TAFA2: variants seen among roughly 807,000 people sequenced by gnomAD.
TAFA2 encodes the protein chemokine-like protein TAFA-2.
A neutral mutation model predicts 18.8 loss-of-function variants in TAFA2; 7 were observed. The ratio of observed to expected loss-of-function variants is 0.37; its 90% CI spans 0.21 to 0.70. The LOEUF is 0.70. Ranked by LOEUF, TAFA2 falls within the 30% of genes least tolerant of loss-of-function variation. TAFA2 has a pLI of 0.53. For missense variants in TAFA2, 122 were observed against 158.1 expected (o/e 0.77, Z 1.23); for synonymous variants, 60 against 54.2 (o/e 1.11, Z -0.47).
At chr12:62,121,053 C>T (rs1021465155) in intron 1 of TAFA2, among the ~76,000 whole-genome samples, 3 of 151,874 alleles carry the variant, frequency 2.0e-5, no homozygotes, top group African/African-American at 7.3e-5. Flanking sequence ...GGGGTTTCTC[C>T]ATGTTGGTCA....
chr12:62,233,734 C>T (rs1274256132), intron 1 of TAFA2, among the ~76,000 whole-genome samples: 1 of 152,176 alleles, frequency 6.6e-6, no homozygotes, highest in African/African-American at 2.4e-5. Flanking sequence ...ATCCCTGGGG[C>T]TAGTGAATGG....
At chr12:62,053,898 A>G (rs1565729366) in intron 1 of TAFA2, among the ~76,000 whole-genome samples, 1 of 152,228 alleles carries the variant, frequency 6.6e-6, no homozygotes, top group Non-Finnish European at 1.5e-5. Flanking sequence ...AGCTTAATAC[A>G]TAGAAAATGT....
intron 1 of TAFA2, among the ~76,000 whole-genome samples, chr12:61,964,250 C>T (rs1216724812): frequency 6.6e-6 from 1 of 151,988 alleles, no homozygotes; most frequent in African/African-American, 2.4e-5. Flanking sequence ...TAAAGAGTTT[C>T]TGCACAGCAA....
chr12:61,731,046 A>G (rs1053145098), intron 4 of TAFA2, among the ~76,000 whole-genome samples: 1 of 152,188 alleles, frequency 6.6e-6, no homozygotes, highest in Non-Finnish European at 1.5e-5. Context: ...TGCCTTCCCC[A>G]AGGACCCCTG....
At chr12:61,756,780 C>T (rs1182305535) in intron 2 of TAFA2, among the ~76,000 whole-genome samples, 1 of 152,058 alleles carries the variant, frequency 6.6e-6, no homozygotes, top group Non-Finnish European at 1.5e-5. Context: ...GGAAACATCT[C>T]TCTTTGAGGA....
At chr12:61,949,949 A>G (rs1171412519) in intron 1 of TAFA2, among the ~76,000 whole-genome samples, 3 of 152,092 alleles carry the variant, frequency 2.0e-5, no homozygotes, top group African/African-American at 7.2e-5. Flanking sequence ...GTCCCTGGTA[A>G]TCACTCTCTA....
chr12:61,963,093 T>A (rs1878945998), intron 1 of TAFA2, among the ~76,000 whole-genome samples: 1 of 152,072 alleles, frequency 6.6e-6, no homozygotes, highest in African/African-American at 2.4e-5. Context: ...CCATGGTGTA[T>A]ATGTGCCATA....
intron 1 of TAFA2, among the ~76,000 whole-genome samples, chr12:62,161,849 A>G (rs1175893656): frequency 6.6e-6 from 1 of 152,174 alleles, no homozygotes; most frequent in African/African-American, 2.4e-5. Flanking sequence ...TAATATTATA[A>G]GTGTTTGGGG....
At chr12:61,912,300 A>G (rs901353531) in intron 1 of TAFA2, among the ~76,000 whole-genome samples, 1 of 152,212 alleles carries the variant, frequency 6.6e-6, no homozygotes, top group Non-Finnish European at 1.5e-5. Flanking sequence ...GTGCTGTTCA[A>G]TGTGGTTACT....
intron 1 of TAFA2, among the ~76,000 whole-genome samples, chr12:62,167,142 T>C (rs2062446422): frequency 6.6e-6 from 1 of 152,096 alleles, no homozygotes; most frequent in South Asian, 2.1e-4. Flanking sequence ...TAAATATACA[T>C]ATGTATTTAT....
intron 1 of TAFA2, among the ~76,000 whole-genome samples, chr12:61,997,102 C>A (rs1304107919): frequency 6.6e-6 from 1 of 151,370 alleles, no homozygotes. Flanking sequence ...CAAATAAACA[C>A]ATAAAAAAGT....
chr12:62,078,916 G>C (rs1029527313), intron 1 of TAFA2, among the ~76,000 whole-genome samples: 1 of 152,244 alleles, frequency 6.6e-6, no homozygotes, highest in Non-Finnish European at 1.5e-5. Flanking sequence ...AGGAGGAAGA[G>C]GGAAGAACAC....
intron 1 of TAFA2, among the ~76,000 whole-genome samples, chr12:61,924,114 T>C (rs1877176407): frequency 6.6e-6 from 1 of 151,848 alleles, no homozygotes; most frequent in Admixed American, 6.6e-5. Flanking sequence ...TACGTTTCAT[T>C]GGTGTACCTG....
At chr12:62,232,559 G>C (rs2062816183) in intron 1 of TAFA2, among the ~76,000 whole-genome samples, 1 of 152,054 alleles carries the variant, frequency 6.6e-6, no homozygotes, top group African/African-American at 2.4e-5. Flanking sequence ...AGTCACCCAG[G>C]CTGGAGTGCA....
intron 1 of TAFA2, among the ~76,000 whole-genome samples, chr12:61,987,344 T>C (rs1027023151): frequency 6.6e-6 from 1 of 152,206 alleles, no homozygotes; most frequent in African/African-American, 2.4e-5. Flanking sequence ...CATCTCTGCC[T>C]GCTTTTCAAA....
At chr12:62,044,077 T>G (rs1478294677) in intron 1 of TAFA2, among the ~76,000 whole-genome samples, 1 of 152,118 alleles carries the variant, frequency 6.6e-6, no homozygotes, top group Non-Finnish European at 1.5e-5. Flanking sequence ...ATGCATACTT[T>G]CAGACATAGA....
chr12:62,196,025 A>T (rs1440380738), upstream of TAFA2, among the ~76,000 whole-genome samples: 1 of 152,214 alleles, frequency 6.6e-6, no homozygotes, highest in Non-Finnish European at 1.5e-5. Flanking sequence ...GATCTTCTGG[A>T]TAACTTGCTG....
chr12:62,076,670 C>T (rs888748730), intron 1 of TAFA2, among the ~76,000 whole-genome samples: 2 of 152,142 alleles, frequency 1.3e-5, no homozygotes, highest in Non-Finnish European at 2.9e-5. Context: ...CTTCTCCTAC[C>T]CCCAAACAGA....
chr12:61,969,637 A>C (rs1478165802), intron 1 of TAFA2, among the ~76,000 whole-genome samples: 1 of 151,708 alleles, frequency 6.6e-6, no homozygotes, highest in Admixed American at 6.6e-5. Context: ...ATCTCCAGTG[A>C]ACTCATAGTC....
Sources: gnomAD v4.1 joint callset for allele counts (sites outside exome capture counted in the v4.1 genomes callset) on GRCh38, gnomAD v4.1.1 for gene constraint, MANE v1.5 for transcripts, NCBI Gene and HGNC (gene_info 2026-07-23, HGNC 2026-07-21) for gene names.